Variants in PCDH7 observed in about 807,000 individuals in gnomAD.
PCDH7 encodes protocadherin-7.
A neutral mutation model predicts 58.9 loss-of-function variants in PCDH7; 17 were observed. That is an observed-to-expected ratio of 0.29 (90% CI 0.20 to 0.43). The LOEUF is 0.43. Ranked by LOEUF, PCDH7 falls within the 20% of genes least tolerant of loss-of-function variation. The pLI is 1.00. For synonymous variants in PCDH7, 664 were observed against 616.4 expected (o/e 1.08, Z -1.14); for missense variants, 1,274 against 1,441.0 (o/e 0.88, Z 1.88).
intron 3 of PCDH7, among the ~76,000 whole-genome samples, chr4:31,022,052 T>C (rs1296338380): frequency 6.6e-6 from 1 of 152,152 alleles, no homozygotes; most frequent in Non-Finnish European, 1.5e-5. Context: ...TTTAAATATG[T>C]GAAATAAAGA....
chr4:30,743,649 C>T (rs1353951088), intron 1 of PCDH7, among the ~76,000 whole-genome samples: 1 of 152,016 alleles, frequency 6.6e-6, no homozygotes, highest in Non-Finnish European at 1.5e-5. Flanking sequence ...ATATCGGCCT[C>T]TGAGGAAAAT....
At chr4:31,103,408 C>T (rs934010845) in intron 3 of PCDH7, among the ~76,000 whole-genome samples, 4 of 152,090 alleles carry the variant, frequency 2.6e-5, no homozygotes, top group South Asian at 2.1e-4. Context: ...GGCGTGATCT[C>T]GGCTCACTGC....
chr4:31,026,356 C>T (rs112419123), intron 3 of PCDH7, among the ~76,000 whole-genome samples: 40 of 152,080 alleles, frequency 2.6e-4, no homozygotes, highest in Non-Finnish European at 4.4e-5. Context: ...AGCAAGGATT[C>T]CCGAGGCTAT....
intron 3 of PCDH7, among the ~76,000 whole-genome samples, chr4:31,037,615 C>T (rs115144992): frequency 0.019 from 2,870 of 152,114 alleles, 84 homozygotes; most frequent in African/African-American, 0.066. Flanking sequence ...AAGAAATGCT[C>T]TAGAATATAG....
intron 3 of PCDH7, among the ~76,000 whole-genome samples, chr4:31,092,428 C>T (rs1295279805): frequency 6.6e-6 from 1 of 151,952 alleles, no homozygotes; most frequent in African/African-American, 2.4e-5. Flanking sequence ...GGTTACATTT[C>T]TCTGAAACTA....
At chr4:31,007,240 T>G (rs183389559) in intron 3 of PCDH7, among the ~76,000 whole-genome samples, 1 of 152,054 alleles carries the variant, frequency 6.6e-6, no homozygotes, top group Non-Finnish European at 1.5e-5. Context: ...TTGTAAATAC[T>G]CACTTGCATT....
intron 3 of PCDH7, among the ~76,000 whole-genome samples, chr4:31,027,103 C>T (rs1049516224): frequency 2.7e-4 from 41 of 152,236 alleles, no homozygotes; most frequent in African/African-American, 9.1e-4. Context: ...AAACCCAGCC[C>T]CAGCTTTGCT....
intron 1 of PCDH7, among the ~76,000 whole-genome samples, chr4:30,775,175 G>A (rs1721900936): frequency 6.6e-6 from 1 of 152,182 alleles, no homozygotes; most frequent in Non-Finnish European, 1.5e-5. Flanking sequence ...TGCCGAGAGA[G>A]AATTGGGTTT....
chr4:31,074,784 CAAAAAAAAAAA>C (rs1157267696), intron 3 of PCDH7, among the ~76,000 whole-genome samples: 1 of 52,488 alleles, frequency 1.9e-5, no homozygotes, highest in Non-Finnish European at 3.2e-5. Context: ...GATTCCGTCT[CAAAAAAAAAAA>C]AAAAAAAAAA....
chr4:30,748,176 T>G (rs1176960219), intron 1 of PCDH7, among the ~76,000 whole-genome samples: 1 of 152,208 alleles, frequency 6.6e-6, no homozygotes, highest in Non-Finnish European at 1.5e-5. Context: ...ACTTATCAAG[T>G]GCTTGTTACA....
intron 3 of PCDH7, among the ~76,000 whole-genome samples, chr4:30,983,328 A>G (rs1411315049): frequency 6.6e-6 from 1 of 152,224 alleles, no homozygotes; most frequent in African/African-American, 2.4e-5. Flanking sequence ...GTTTTAAACT[A>G]TAATTACTAT....
chr4:30,962,446 A>T (rs4568201), intron 3 of PCDH7, among the ~76,000 whole-genome samples: 92,835 of 151,282 alleles, frequency 0.61, 29,709 homozygotes, highest in African/African-American at 0.81. Context: ...CAATAAAGTA[A>T]GTATGTATGT....
intron 1 of PCDH7, among the ~76,000 whole-genome samples, chr4:30,785,753 C>T (rs1189888205): frequency 6.6e-6 from 1 of 151,966 alleles, no homozygotes; most frequent in Non-Finnish European, 1.5e-5. Context: ...TGTGCTGATG[C>T]ATTGTTACAT....
chr4:31,069,896 C>G (rs1758408608), intron 3 of PCDH7, among the ~76,000 whole-genome samples: 1 of 97,958 alleles, frequency 1.0e-5, no homozygotes, highest in Admixed American at 1.2e-4. Flanking sequence ...ATGGTTCTCT[C>G]AACAGATCAG....
chr4:30,744,585 A>G (rs1460274826), intron 1 of PCDH7, among the ~76,000 whole-genome samples: 1 of 152,210 alleles, frequency 6.6e-6, no homozygotes, highest in East Asian at 1.9e-4. Context: ...TAAGGGTTAT[A>G]ATGGGAACCA....
chr4:31,001,575 A>C (rs910744840), intron 3 of PCDH7, among the ~76,000 whole-genome samples: 1 of 152,274 alleles, frequency 6.6e-6, no homozygotes, highest in African/African-American at 2.4e-5. Flanking sequence ...ATTCAAATAC[A>C]TAAGGAATCA....
At chr4:30,957,061 A>G (rs1358582449) in intron 3 of PCDH7, among the ~76,000 whole-genome samples, 1 of 152,168 alleles carries the variant, frequency 6.6e-6, no homozygotes, top group African/African-American at 2.4e-5. Flanking sequence ...TATATATTCC[A>G]ACTTAAAATC....
At chr4:31,029,566 A>T (rs1754727037) in intron 3 of PCDH7, among the ~76,000 whole-genome samples, 1 of 152,220 alleles carries the variant, frequency 6.6e-6, no homozygotes, top group Non-Finnish European at 1.5e-5. Context: ...TTTAGCACTG[A>T]CAAGTCTTGG....
At chr4:31,142,923 A>G in exon 4 of PCDH7, 1 of 1,145,922 alleles carries the variant, frequency 8.7e-7, no homozygotes, top group Non-Finnish European at 1.1e-6. Context: ...TTACAAAGCA[A>G]AACGTTTAAT....
Sources: gnomAD v4.1 joint callset for allele counts (sites outside exome capture counted in the v4.1 genomes callset) on GRCh38, gnomAD v4.1.1 for gene constraint, MANE v1.5 for transcripts, NCBI Gene and HGNC (gene_info 2026-07-23, HGNC 2026-07-21) for gene names.